Variants in TAF2 observed in about 807,000 individuals in gnomAD.
TAF2 encodes the protein TATA-box binding protein associated factor 2.
A neutral mutation model predicts 138.5 loss-of-function variants in TAF2; 61 were observed. The observed-to-expected ratio is 0.44, with a 90% CI of 0.36 to 0.54. The LOEUF (loss-of-function observed/expected upper bound fraction) is 0.54, where lower values mean the gene tolerates loss of function less well. Ranked by LOEUF, TAF2 falls within the 20% of genes least tolerant of loss-of-function variation. TAF2 has a pLI of 0.00. For synonymous variants in TAF2, 475 were observed against 469.9 expected, an observed-to-expected ratio of 1.01 and a Z score of -0.14; for missense variants, 1,090 against 1,427.9, an observed-to-expected ratio of 0.76 and a Z score of 3.81.
chr8:119,799,921 C>G (rs1824127869), intron 6 of TAF2, among the ~76,000 whole-genome samples: 2 of 152,170 alleles, frequency 1.3e-5, no homozygotes, highest in South Asian at 4.1e-4. Context: ...AGCATTTTTT[C>G]ATGTGTCTGT....
rs1370951792 is a variant in TAF2, at chr8:119,832,793, C to A, written c.-229G>T. On this transcript the variant is annotated 5_prime_UTR_variant, in exon 1 of 26. Coordinates refer to ENST00000378164, the MANE Select transcript of TAF2 (RefSeq NM_003184.4). ...GCTTCTGTCACAGAGATGCTCCTCT[C>A]CGCAAGGGCTCGAAGCTACCATCCG... 2 of 501,624 alleles carry A rather than the reference C, an allele frequency of 4.0e-6. No homozygotes were observed. The highest frequency in any genetic ancestry group is 3.1e-5 in the East Asian group (1 of 31,838). The allele number at this position is 501,624 out of a possible 1,614,324, so 31.1% of individuals were successfully genotyped here. A position where few individuals can be genotyped will look rare whatever the true frequency, so the allele number is the denominator to read the frequency against.
rs1189825931 is a variant in TAF2 at position 119,802,822 on chromosome 8, G to A, written c.561-797C>T. On this transcript the variant is annotated intron_variant, in intron 5 of 25. Transcript: ENST00000378164. ...AGCTACTCCAGAGGCTGAGGCAGGA[G>A]GATCACTTGAACCTGGAAGGTGGAG... 5.3e-5 allele frequency among the ~76,000 whole-genome samples: 8 copies of A among 152,092 alleles called. 1 individual carries two copies. Among genetic ancestry groups the A allele is most frequent in the Admixed American group, 5.2e-4 (8 of 15,260 alleles).
chr8:119,802,390 T>A (rs1824326181), intron 5 of TAF2, among the ~76,000 whole-genome samples: 1 of 152,248 alleles, frequency 6.6e-6, no homozygotes, highest in African/African-American at 2.4e-5. Flanking sequence ...CAAAAAGTTT[T>A]ATAAAGCATA....
intron 2 of TAF2, among the ~76,000 whole-genome samples, chr8:119,829,380 T>C (rs1826296454): frequency 1.3e-5 from 2 of 152,186 alleles, no homozygotes; most frequent in Non-Finnish European, 2.9e-5. Context: ...CAGTAGGTTC[T>C]AGTAACTTCC....
At chr8:119,827,200 A>G (rs1389291670) in intron 2 of TAF2, among the ~76,000 whole-genome samples, 1 of 152,108 alleles carries the variant, frequency 6.6e-6, no homozygotes, top group Non-Finnish European at 1.5e-5. Context: ...TCAAAAAAAA[A>G]GGTTTTCCCT....
intron 6 of TAF2, among the ~76,000 whole-genome samples, chr8:119,801,125 A>C (rs1824226099): frequency 6.6e-6 from 1 of 152,188 alleles, no homozygotes; most frequent in Non-Finnish European, 1.5e-5. Flanking sequence ...TTTTGAATTT[A>C]CAATATTTTA....
intron 3 of TAF2, among the ~76,000 whole-genome samples, chr8:119,809,298 C>T (rs1824875406): frequency 6.6e-6 from 1 of 152,206 alleles, no homozygotes; most frequent in Non-Finnish European, 1.5e-5. Context: ...TCTGCAGCTT[C>T]CTCACCTCTC....
chr8:119,757,844 C>T (rs1051712583), intron 21 of TAF2, among the ~76,000 whole-genome samples: 5 of 151,496 alleles, frequency 3.3e-5, no homozygotes, highest in Non-Finnish European at 7.4e-5. Flanking sequence ...TGCAGTGAGC[C>T]GAGATCGTGC....
At chr8:119,745,905 G>GTCAT (rs369545577) in intron 23 of TAF2, among the ~76,000 whole-genome samples, 3 of 151,634 alleles carry the variant, frequency 2.0e-5, no homozygotes, top group African/African-American at 7.3e-5. Context: ...AATTTACCTA[G>GTCAT]TCATTCATTC....
intron 3 of TAF2, among the ~76,000 whole-genome samples, chr8:119,814,737 CAAAAAAAAAA>C: frequency 1.2e-5 from 1 of 86,474 alleles, no homozygotes; most frequent in African/African-American, 4.9e-5. Flanking sequence ...ACCAAAAATA[CAAAAAAAAAA>C]AAAAAAAAAA....
Position 119,778,087 on chromosome 8 carries a change from G to C in TAF2, c.2296C>G (p.Leu766Val). The C allele has an allele frequency of 6.2e-7, 1 of 1,601,368 alleles. No homozygotes were observed. The highest frequency in any genetic ancestry group is 2.2e-5 in the East Asian group (1 of 44,734). ...AATGTTAAGACTTCTTTAGGACAAA[G>C]ATTATGAACATCTCTTAATAAAGCC... The part of the protein sequence containing the change: ...AMALLRDVHN[L>V]CPKEVLTFIL... Residue 766 changes from leucine (L) to valine (V), a missense_variant, in exon 18 of 26, where the codon CTT becomes GTT. This residue lies in a region of TAF2 where 580 missense variants were observed against 719.6 expected (regional missense o/e 0.81). Transcript: ENST00000378164.
At chr8:119,752,282 G>C (rs1052772950) in intron 22 of TAF2, among the ~76,000 whole-genome samples, 6 of 152,100 alleles carry the variant, frequency 3.9e-5, no homozygotes, top group Admixed American at 3.3e-4. Flanking sequence ...ACGTGTATGA[G>C]TGAATATACA....
At chr8:119,743,425 A>C (rs1370403616) in intron 24 of TAF2, among the ~76,000 whole-genome samples, 1 of 152,136 alleles carries the variant, frequency 6.6e-6, no homozygotes, top group Non-Finnish European at 1.5e-5. Flanking sequence ...AGGCAGTAGA[A>C]CAGGACCAGG....
intron 18 of TAF2, among the ~76,000 whole-genome samples, chr8:119,775,668 A>G (rs1054954071): frequency 6.6e-6 from 1 of 152,094 alleles, no homozygotes; most frequent in Non-Finnish European, 1.5e-5. Flanking sequence ...ACGCCAGCGT[A>G]CTCCAGTCTG....
At chr8:119,799,275 T>C (rs1456660072) in intron 6 of TAF2, among the ~76,000 whole-genome samples, 1 of 152,122 alleles carries the variant, frequency 6.6e-6, no homozygotes, top group Non-Finnish European at 1.5e-5. Flanking sequence ...TCATTTATAT[T>C]AGGTATATCT....
intron 3 of TAF2, among the ~76,000 whole-genome samples, chr8:119,812,463 T>C (rs1825140143): frequency 6.6e-6 from 1 of 152,140 alleles, no homozygotes; most frequent in East Asian, 1.9e-4. Context: ...TATGTCATTT[T>C]TTAAATCTCT....
At chr8:119,774,478 ATT>A (rs11341544) in intron 18 of TAF2, among the ~76,000 whole-genome samples, 2 of 150,646 alleles carry the variant, frequency 1.3e-5, no homozygotes, top group African/African-American at 2.4e-5. Flanking sequence ...AAATATTGTG[ATT>A]TTTTTTTGCA....
chr8:119,760,845 G>A, intron 19 of TAF2, 107 bp from the exon 20 acceptor site: 1 of 1,462,126 alleles, frequency 6.8e-7, no homozygotes, highest in Non-Finnish European at 9.5e-7. Context: ...AAAAACTGAT[G>A]TGATTTTAAT....
rs1201092872 is a variant in TAF2, at chr8:119,760,438, T to G, written c.2698+161A>C. 3.7e-6 allele frequency: 3 copies of G among 807,694 alleles called. No homozygotes were observed. In the African/African-American group the frequency reaches 5.2e-5, roughly 14 times the overall value. 50.0% of individuals were successfully genotyped at this position (807,694 alleles called of 1,614,324 possible). On this transcript the variant is annotated intron_variant, in intron 20 of 25. Coordinates refer to ENST00000378164, the MANE Select transcript of TAF2 (RefSeq NM_003184.4). ...TTTCCCTCATTTATTAACTCTTATG[T>G]GAATTCTACATTTATCAAAGATGAT...
Sources: allele counts gnomAD v4.1 joint callset (sites outside exome capture counted in the v4.1 genomes callset), GRCh38; gene constraint gnomAD v4.1.1; regional missense constraint gnomAD v4.1.1; transcripts MANE v1.5; gene names NCBI Gene and HGNC (gene_info 2026-07-23, HGNC 2026-07-21).